The following PTCSC3 variants were observed in gnomAD, a reference collection of about 807,000 sequenced individuals.
PTCSC3 encodes papillary thyroid carcinoma susceptibility candidate 3 (non-protein coding).
chr14:36,154,791 GTTCCC>G (rs1377330550), intron 2 of PTCSC3, among the ~76,000 whole-genome samples: 1 of 152,082 alleles, frequency 6.6e-6, no homozygotes, highest in Non-Finnish European at 1.5e-5. Context: ...TTAGGATTGG[GTTCCC>G]TTTGGGATAT....
chr14:36,142,979 A>C (rs1328237153), intron 3 of PTCSC3, among the ~76,000 whole-genome samples: 2 of 152,040 alleles, frequency 1.3e-5, no homozygotes, highest in Non-Finnish European at 2.9e-5. Flanking sequence ...CCTACAAAGG[A>C]CATGAACTCA....
intron 1 of PTCSC3, among the ~76,000 whole-genome samples, chr14:36,167,607 C>T (rs529895030): frequency 2.6e-5 from 4 of 152,146 alleles, no homozygotes; most frequent in Non-Finnish European, 4.4e-5. Flanking sequence ...TCAAAGACCT[C>T]AGTCCCCTCC....
At chr14:36,157,846 G>A (rs575054759) in intron 2 of PTCSC3, among the ~76,000 whole-genome samples, 2 of 152,252 alleles carry the variant, frequency 1.3e-5, no homozygotes, top group East Asian at 3.9e-4. Context: ...ATTACTTTGG[G>A]CTGTATGGCC....
exon 3 of PTCSC3, chr14:36,153,879 C>A (rs79002220): frequency 1.3e-5 from 2 of 151,942 alleles, no homozygotes; most frequent in African/African-American, 4.8e-5. Context: ...GCTTGGGCAA[C>A]GTGTCGAGAC....
At chr14:36,151,735 G>A (rs965418202) in intron 3 of PTCSC3, among the ~76,000 whole-genome samples, 1 of 152,176 alleles carries the variant, frequency 6.6e-6, no homozygotes, top group African/African-American at 2.4e-5. Flanking sequence ...CCTTCCATCA[G>A]GTCAGATAAG....
At chr14:36,176,027 G>T (rs1381982780) in intron 1 of PTCSC3, among the ~76,000 whole-genome samples, 1 of 152,168 alleles carries the variant, frequency 6.6e-6, no homozygotes, top group Non-Finnish European at 1.5e-5. Context: ...ATAGCAGTTT[G>T]GGAGTGTCAA....
chr14:36,167,198 A>C (rs1882106756), intron 1 of PTCSC3, among the ~76,000 whole-genome samples: 5 of 152,194 alleles, frequency 3.3e-5, no homozygotes. Flanking sequence ...GCAGATGATT[A>C]ATCCTATTTC....
At chr14:36,146,940 A>G (rs2139093575) in intron 3 of PTCSC3, among the ~76,000 whole-genome samples, 1 of 152,332 alleles carries the variant, frequency 6.6e-6, no homozygotes, top group Non-Finnish European at 1.5e-5. Context: ...TTGGCTGGAT[A>G]TGAAATTCTG....
intron 2 of PTCSC3, among the ~76,000 whole-genome samples, chr14:36,158,657 G>A (rs1344030294): frequency 6.6e-6 from 1 of 152,206 alleles, no homozygotes; most frequent in East Asian, 1.9e-4. Context: ...TGGTTTGCCA[G>A]TGTTTTACTG....
chr14:36,136,123 T>G (rs1004690788), exon 4 of PTCSC3: 4 of 152,142 alleles, frequency 2.6e-5, no homozygotes, highest in Non-Finnish European at 5.9e-5. Flanking sequence ...CAGTCTAATG[T>G]TTTCATGTTT....
intron 3 of PTCSC3, among the ~76,000 whole-genome samples, chr14:36,147,388 C>T (rs1271309375): frequency 6.6e-6 from 1 of 152,082 alleles, no homozygotes; most frequent in Non-Finnish European, 1.5e-5. Flanking sequence ...CTCTAAACTT[C>T]CCTTCTCCCT....
intron 2 of PTCSC3, among the ~76,000 whole-genome samples, chr14:36,155,210 G>A (rs1040265692): frequency 7.2e-5 from 11 of 152,096 alleles, no homozygotes; most frequent in African/African-American, 2.4e-4. Context: ...AAACTCCAAG[G>A]TAGTTAAGTG....
intron 3 of PTCSC3, among the ~76,000 whole-genome samples, chr14:36,147,958 T>C (rs533512110): frequency 6.6e-6 from 1 of 152,226 alleles, no homozygotes; most frequent in South Asian, 2.1e-4. Context: ...GGGGGGTGCC[T>C]CCCAGTTAGA....
chr14:36,162,492 AC>A (rs1440661087), intron 2 of PTCSC3: 1 of 151,640 alleles, frequency 6.6e-6, no homozygotes, highest in Non-Finnish European at 1.5e-5. Flanking sequence ...GAGTTCCCCG[AC>A]CCCGTGCGCT....
intron 2 of PTCSC3, among the ~76,000 whole-genome samples, chr14:36,157,846 G>T (rs575054759): frequency 5.3e-5 from 8 of 152,134 alleles, no homozygotes; most frequent in African/African-American, 1.9e-4. Context: ...ATTACTTTGG[G>T]CTGTATGGCC....
At chr14:36,169,514 A>G (rs1438602896) in intron 1 of PTCSC3, among the ~76,000 whole-genome samples, 1 of 152,126 alleles carries the variant, frequency 6.6e-6, no homozygotes, top group East Asian at 1.9e-4. Context: ...TAGCTTTTTG[A>G]AGTTTAGCAG....
intron 3 of PTCSC3, among the ~76,000 whole-genome samples, chr14:36,140,040 C>T (rs1412656037): frequency 2.0e-5 from 3 of 152,170 alleles, no homozygotes; most frequent in Non-Finnish European, 2.9e-5. Context: ...TTTATTCCCT[C>T]TATTGTTTTA....
At chr14:36,162,272 A>AAAAC (rs1881978199) in intron 2 of PTCSC3, among the ~76,000 whole-genome samples, 2 of 150,676 alleles carry the variant, frequency 1.3e-5, no homozygotes, top group African/African-American at 4.9e-5. Context: ...AAAAAAAAAA[A>AAAAC]AAAAAAAAAA....
intron 3 of PTCSC3, among the ~76,000 whole-genome samples, chr14:36,150,053 T>G (rs371942341): frequency 7.2e-5 from 11 of 152,328 alleles, no homozygotes; most frequent in African/African-American, 2.6e-4. Flanking sequence ...GATTTTCAAA[T>G]TAGGGATGCT....
Sources: allele counts gnomAD v4.1 joint callset (sites outside exome capture counted in the v4.1 genomes callset), GRCh38; gene constraint gnomAD v4.1.1; transcripts MANE v1.5; gene names NCBI Gene and HGNC (gene_info 2026-07-23, HGNC 2026-07-21).